UNC79: variants seen among roughly 807,000 people sequenced by gnomAD.
UNC79 encodes unc-79 subunit of NALCN channel complex.
Under a neutral mutation model 283.1 loss-of-function variants are expected in UNC79, and 37 were observed. That is an observed-to-expected ratio of 0.13 (90% CI 0.10 to 0.17). UNC79 has a LOEUF of 0.17. Among genes scored for constraint, UNC79 ranks in the 10% least tolerant of loss-of-function variants. UNC79 has a pLI of 1.00. For synonymous variants in UNC79, 1,107 were observed against 1,200.2 expected, an observed-to-expected ratio of 0.92 and a Z score of 1.61; for missense variants, 2,272 against 3,211.1, an observed-to-expected ratio of 0.71 and a Z score of 7.07.
intron 1 of UNC79, among the ~76,000 whole-genome samples, chr14:93,352,437 G>A (rs2053996106): frequency 6.6e-6 from 1 of 152,090 alleles, no homozygotes; most frequent in Non-Finnish European, 1.5e-5. Flanking sequence ...AGCACTTAGT[G>A]TTTTGAACCG....
chr14:93,490,335 A>G (rs1203608518), intron 5 of UNC79, among the ~76,000 whole-genome samples: 1 of 152,170 alleles, frequency 6.6e-6, no homozygotes, highest in African/African-American at 2.4e-5. Flanking sequence ...CATCCTGTCA[A>G]TACAGATAGG....
At chr14:93,398,763 G>A (rs2055046917) in intron 1 of UNC79, among the ~76,000 whole-genome samples, 1 of 152,174 alleles carries the variant, frequency 6.6e-6, no homozygotes, top group African/African-American at 2.4e-5. Flanking sequence ...CAGTATCCAG[G>A]AAGGTCTTTA....
At chr14:93,637,076 G>C in intron 31 of UNC79, 140 bp from the exon 35 acceptor site, 1 of 685,548 alleles carries the variant, frequency 1.5e-6, no homozygotes, top group Non-Finnish European at 2.6e-6. Flanking sequence ...TAAAATCTAG[G>C]ATGTGTTCTG....
At position 93,604,876 on chromosome 14, in the gene UNC79, A is replaced by C. The variant is rs762081840; in HGVS notation, c.3754+1458A>C. On this transcript the variant is annotated intron_variant, in intron 26 of 48. Transcript: ENST00000555664. ...TTGTCTGTAATGCTTATTTAAATAGAGTTGTTGTTGATTTTTAAGCTATGA... is the reference window on the plus strand; with the variant it reads ...TTGTCTGTAATGCTTATTTAAATAGCGTTGTTGTTGATTTTTAAGCTATGA... 3 of 1,560,186 alleles carry C rather than the reference A, an allele frequency of 1.9e-6. No homozygotes were observed. The African/African-American group carries it at 4.0e-5, about 21-fold the overall frequency.
chr14:93,472,156 G>A (rs1368292578), intron 2 of UNC79, among the ~76,000 whole-genome samples: 6 of 152,056 alleles, frequency 3.9e-5, no homozygotes, highest in Non-Finnish European at 8.8e-5. Flanking sequence ...ATTTAGGGCC[G>A]AAGTTTGGGA....
intron 1 of UNC79, among the ~76,000 whole-genome samples, chr14:93,399,185 C>T (rs2055056771): frequency 6.6e-6 from 1 of 151,994 alleles, no homozygotes; most frequent in Admixed American, 6.6e-5. Context: ...GAAGACTGCC[C>T]CCATGACCCA....
chr14:93,417,141 A>T (rs1387443308), intron 1 of UNC79, among the ~76,000 whole-genome samples: 2 of 151,952 alleles, frequency 1.3e-5, no homozygotes, highest in East Asian at 3.9e-4. Context: ...ATTTGGCATG[A>T]TTTTGCAGTG....
chr14:93,642,265 A>G (rs2069111059), intron 33 of UNC79, among the ~76,000 whole-genome samples: 1 of 151,944 alleles, frequency 6.6e-6, no homozygotes, highest in South Asian at 2.1e-4. Context: ...TCTACTAAAA[A>G]TACAAAAAAA....
At chr14:93,613,831 A>T in intron 27 of UNC79, among the ~76,000 whole-genome samples, 1 of 152,260 alleles carries the variant, frequency 6.6e-6, no homozygotes, top group Non-Finnish European at 1.5e-5. Flanking sequence ...TATTAATTTC[A>T]ATTGTATCTT....
chr14:93,636,153 T>G (rs1264973766), intron 31 of UNC79, among the ~76,000 whole-genome samples: 1 of 152,224 alleles, frequency 6.6e-6, no homozygotes, highest in African/African-American at 2.4e-5. Flanking sequence ...GTCCAAATTT[T>G]AATCTAAGAA....
intron 4 of UNC79, among the ~76,000 whole-genome samples, chr14:93,479,874 T>C (rs550921172): frequency 5.9e-5 from 9 of 152,280 alleles, no homozygotes; most frequent in African/African-American, 1.9e-4. Context: ...CCTCAAGTGA[T>C]CCTCTTGCCT....
At chr14:93,425,532 A>G (rs2140079261), upstream of UNC79, among the ~76,000 whole-genome samples, 1 of 152,334 alleles carries the variant, frequency 6.6e-6, no homozygotes, top group African/African-American at 2.4e-5. Context: ...GGCAAGTACA[A>G]ACATACCTGT....
intron 1 of UNC79, among the ~76,000 whole-genome samples, chr14:93,425,074 T>C (rs1765401393): frequency 6.6e-6 from 1 of 152,174 alleles, no homozygotes; most frequent in South Asian, 2.1e-4. Flanking sequence ...TATAAAGGAC[T>C]GCCTGAGACT....
At chr14:93,411,881 C>G (rs2055343441) in intron 1 of UNC79, among the ~76,000 whole-genome samples, 1 of 152,192 alleles carries the variant, frequency 6.6e-6, no homozygotes, top group Admixed American at 6.5e-5. Context: ...TGCCCAGACG[C>G]AGACAAACAT....
At chr14:93,338,403 A>G (rs2053628222) in intron 1 of UNC79, among the ~76,000 whole-genome samples, 1 of 152,204 alleles carries the variant, frequency 6.6e-6, no homozygotes, top group African/African-American at 2.4e-5. Flanking sequence ...ACTGTGAGCC[A>G]ATTAAACCTC....
intron 39 of UNC79, among the ~76,000 whole-genome samples, chr14:93,660,555 A>G (rs1449032078): frequency 1.1e-4 from 10 of 92,828 alleles, no homozygotes; most frequent in Admixed American, 2.1e-4. Flanking sequence ...ATATATATAT[A>G]TATATATATG....
intron 43 of UNC79, 30 bp downstream of exon 46, chr14:93,686,691 A>T (rs763061190): frequency 6.2e-7 from 1 of 1,612,588 alleles, no homozygotes; most frequent in Admixed American, 1.7e-5. Flanking sequence ...CTCATCCCTC[A>T]GGTTCACAAA....
intron 35 of UNC79, among the ~76,000 whole-genome samples, chr14:93,650,121 G>T (rs532531412): frequency 4.6e-5 from 7 of 152,186 alleles, no homozygotes; most frequent in Admixed American, 3.9e-4. Context: ...ATGTTTTTGA[G>T]ATTTATCCAT....
chr14:93,628,869 G>A (rs190503667), intron 30 of UNC79, among the ~76,000 whole-genome samples: 1 of 152,262 alleles, frequency 6.6e-6, no homozygotes, highest in African/African-American at 2.4e-5. Flanking sequence ...ACAGCAAGAC[G>A]TTTCTTTAAA....
Sources: gnomAD v4.1 joint callset for allele counts (sites outside exome capture counted in the v4.1 genomes callset) on GRCh38, gnomAD v4.1.1 for gene constraint, MANE v1.5 for transcripts, NCBI Gene and HGNC (gene_info 2026-07-23, HGNC 2026-07-21) for gene names.